SPDYE10: variants seen among roughly 807,000 people sequenced by gnomAD.
SPDYE10 encodes the protein speedy/RINGO cell cycle regulator family member E10.
chr7:73,145,143 T>G, the SPDYE10 span, among the ~76,000 whole-genome samples: 1 of 144,686 alleles, frequency 6.9e-6, no homozygotes, highest in Non-Finnish European at 1.5e-5. Flanking sequence ...TTTCTTTCTC[T>G]TTTTCTTTCT....
At chr7:73,149,191 C>T in the SPDYE10 span, among the ~76,000 whole-genome samples, 1 of 141,338 alleles carries the variant, frequency 7.1e-6, no homozygotes, top group Non-Finnish European at 1.5e-5. Flanking sequence ...CATGTTGCCC[C>T]GCCTGGTCTT....
At chr7:73,135,504 A>G in the SPDYE10 span, among the ~76,000 whole-genome samples, 5 of 142,526 alleles carry the variant, frequency 3.5e-5, no homozygotes, top group African/African-American at 1.3e-4. Context: ...TTCCTTTCCT[A>G]AAGGCATTCT....
At chr7:73,137,516 CA>C in the SPDYE10 span, among the ~76,000 whole-genome samples, 20 of 49,116 alleles carry the variant, frequency 4.1e-4, no homozygotes, top group African/African-American at 6.9e-4. Context: ...AGTGAGACTC[CA>C]AAAAAAAAAG....
the SPDYE10 span, among the ~76,000 whole-genome samples, chr7:73,132,484 C>A: frequency 6.6e-6 from 1 of 152,030 alleles, no homozygotes; most frequent in Non-Finnish European, 1.5e-5. Context: ...GATTTTGAGG[C>A]TGCAGTGAAC....
the SPDYE10 span, among the ~76,000 whole-genome samples, chr7:73,117,676 C>T: frequency 6.9e-6 from 1 of 143,936 alleles, no homozygotes; most frequent in African/African-American, 2.7e-5. Flanking sequence ...ATCCTGATTG[C>T]TATTTAAGCT....
the SPDYE10 span, among the ~76,000 whole-genome samples, chr7:73,131,200 C>CT: frequency 4.6e-5 from 6 of 129,148 alleles, no homozygotes; most frequent in Non-Finnish European, 1.6e-5. Flanking sequence ...GACACTGTCT[C>CT]TTTAAAAAAA....
chr7:73,126,967 G>A, the SPDYE10 span, among the ~76,000 whole-genome samples: 1 of 109,372 alleles, frequency 9.1e-6, no homozygotes, highest in South Asian at 3.3e-4. Context: ...TGCCCAGGCT[G>A]GAGTGCAATG....
chr7:73,122,780 G>A, the SPDYE10 span, among the ~76,000 whole-genome samples: 3 of 148,368 alleles, frequency 2.0e-5, no homozygotes, highest in Non-Finnish European at 3.0e-5. Flanking sequence ...GGAGCAGCAG[G>A]TGGAGGCCAA....
the SPDYE10 span, among the ~76,000 whole-genome samples, chr7:73,125,014 A>T: frequency 6.9e-6 from 1 of 145,970 alleles, no homozygotes; most frequent in Non-Finnish European, 1.5e-5. Flanking sequence ...ACAGCAGGTG[A>T]AATTTGTGCA....
the SPDYE10 span, among the ~76,000 whole-genome samples, chr7:73,135,508 G>A: frequency 1.4e-5 from 2 of 141,602 alleles, no homozygotes; most frequent in Admixed American, 1.4e-4. Context: ...TTTCCTAAAG[G>A]CATTCTCTTT....
At chr7:73,107,676 A>G in the SPDYE10 span, among the ~76,000 whole-genome samples, 481 of 64,714 alleles carry the variant, frequency 7.4e-3, no homozygotes, top group African/African-American at 0.025. Flanking sequence ...CCTGCCTTCT[A>G]CAGGCATCTA....
chr7:73,123,824 T>TCTCTCTCTCTCC, the SPDYE10 span, among the ~76,000 whole-genome samples: 1 of 150,678 alleles, frequency 6.6e-6, no homozygotes, highest in African/African-American at 2.5e-5. Context: ...TCTCTCTCTC[T>TCTCTCTCTCTCC]CTCTGGCTGG....
chr7:73,122,599 A>AAAAAG, the SPDYE10 span, among the ~76,000 whole-genome samples: 1 of 139,770 alleles, frequency 7.2e-6, no homozygotes, highest in Admixed American at 7.1e-5. Context: ...AAAGAAAAAG[A>AAAAAG]AAAAAAAAAG....
chr7:73,151,942 A>G, the SPDYE10 span, among the ~76,000 whole-genome samples: 1 of 150,348 alleles, frequency 6.7e-6, no homozygotes, highest in Admixed American at 6.6e-5. Flanking sequence ...CAGAAGTCAG[A>G]AAACTAGCCA....
chr7:73,127,370 A>G, the SPDYE10 span, among the ~76,000 whole-genome samples: 18 of 110,992 alleles, frequency 1.6e-4, no homozygotes, highest in Middle Eastern at 5.1e-3. Context: ...GACCAACATC[A>G]TGAAACCCTG....
At chr7:73,134,254 A>G in the SPDYE10 span, among the ~76,000 whole-genome samples, 5 of 138,366 alleles carry the variant, frequency 3.6e-5, no homozygotes, top group African/African-American at 1.5e-4. Flanking sequence ...CATCATTCTG[A>G]GCAAACTATC....
chr7:73,113,821 A>G, the SPDYE10 span, among the ~76,000 whole-genome samples: 1 of 151,932 alleles, frequency 6.6e-6, no homozygotes, highest in Non-Finnish European at 1.5e-5. Context: ...GGATCACGAG[A>G]TCAGGAGATC....
At chr7:73,142,681 A>C in the SPDYE10 span, among the ~76,000 whole-genome samples, 1 of 152,092 alleles carries the variant, frequency 6.6e-6, no homozygotes, top group Admixed American at 6.5e-5. Context: ...TGATGCCTGT[A>C]ATCCCAGCAC....
At chr7:73,131,170 C>T in the SPDYE10 span, among the ~76,000 whole-genome samples, 12 of 131,292 alleles carry the variant, frequency 9.1e-5, no homozygotes, top group Non-Finnish European at 1.7e-4. Flanking sequence ...ACCGCACCTC[C>T]AACCTGGGTG....
Sources: allele counts gnomAD v4.1 joint callset (sites outside exome capture counted in the v4.1 genomes callset), GRCh38; gene constraint gnomAD v4.1.1; transcripts MANE v1.5; gene names NCBI Gene and HGNC (gene_info 2026-07-23, HGNC 2026-07-21).